CD36: variants seen among roughly 807,000 people sequenced by gnomAD.
CD36 encodes the protein CD36 molecule (CD36 blood group), also known as platelet glycoprotein 4.
CD36 carries 119 observed loss-of-function variants against 55.2 expected under a neutral mutation model. That is an observed-to-expected ratio of 2.15 (90% CI 1.86 to 2.51). The LOEUF (loss-of-function observed/expected upper bound fraction) is 2.51. CD36 is among the 30% of genes most tolerant of loss of function. CD36 has a pLI of 0.00. For synonymous variants in CD36, 186 were observed against 193.6 expected (o/e 0.96, Z 0.33); for missense variants, 819 against 555.5 (o/e 1.47, Z -4.77).
At chr7:80,642,997 G>T (rs1408303932) in intron 1 of CD36, among the ~76,000 whole-genome samples, 1 of 152,134 alleles carries the variant, frequency 6.6e-6, no homozygotes, top group African/African-American at 2.4e-5. Context: ...AGCAGACAGA[G>T]CTAGGCAGTA....
At chr7:80,672,207 G>GTGATTCTAATTGGCTTAAAATAAT (rs1301019783) in intron 11 of CD36, among the ~76,000 whole-genome samples, 167 bp downstream of exon 11, 8 of 151,868 alleles carry the variant, frequency 5.3e-5, no homozygotes, top group Non-Finnish European at 1.2e-4. Flanking sequence ...GGTTTATGAA[G>GTGATTCTAATTGGCTTAAAATAAT]TGATTCTAAT....
intron 6 of CD36, 122 bp downstream of exon 6, chr7:80,663,291 C>CCTAA: frequency 6.0e-6 from 5 of 837,660 alleles, no homozygotes; most frequent in African/African-American, 1.7e-5. Flanking sequence ...AGACATATAT[C>CCTAA]CTAACTTTTT....
chr7:80,674,594 A>AAAT (rs1402202253), intron 14 of CD36, among the ~76,000 whole-genome samples: 1 of 152,056 alleles, frequency 6.6e-6, no homozygotes, highest in African/African-American at 2.4e-5. Context: ...TAGTATCAGG[A>AAAT]AATAGGGGAA....
rs1392461440 is a variant in CD36 at position 80,677,625 on chromosome 7, TATGTAAGATAAC to T, written c.*1245_*1256del. On this transcript the variant is annotated 3_prime_UTR_variant, in exon 15 of 15. Coordinates refer to ENST00000447544, the MANE Select transcript of CD36 (RefSeq NM_001001548.3). ...AAGAAGTATCTGTCCAAGATATTAA[TATGTAAGATAAC>T]ATTGTAGACATGTTCTTCTGATAAT... 6.6e-6 allele frequency: 1 copy of T among 152,196 alleles called. No individual in the cohort carries two copies. Among genetic ancestry groups the T allele is most frequent in the Non-Finnish European group, 1.5e-5 (1 of 68,030 alleles). 9.4% of individuals were successfully genotyped at this position (152,196 alleles called of 1,614,324 possible).
At chr7:80,608,351 A>G (rs931465666) in intron 1 of CD36, among the ~76,000 whole-genome samples, 6 of 152,200 alleles carry the variant, frequency 3.9e-5, no homozygotes, top group Admixed American at 1.3e-4. Context: ...GTTAGACTGC[A>G]TATGTTTGAA....
At chr7:80,629,048 C>T (rs1002377860) in intron 1 of CD36, among the ~76,000 whole-genome samples, 1 of 152,042 alleles carries the variant, frequency 6.6e-6, no homozygotes, top group Admixed American at 6.6e-5. Flanking sequence ...TTTCTTTTAG[C>T]TTAGTGATTT....
chr7:80,666,845 A>G (rs1211454470), intron 8 of CD36, among the ~76,000 whole-genome samples: 4 of 152,216 alleles, frequency 2.6e-5, no homozygotes, highest in East Asian at 1.9e-4. Flanking sequence ...GATAAGTTAG[A>G]ATTGAAAGAA....
intron 4 of CD36, among the ~76,000 whole-genome samples, chr7:80,658,636 G>T (rs1796277394): frequency 6.6e-6 from 1 of 152,046 alleles, no homozygotes; most frequent in Non-Finnish European, 1.5e-5. Flanking sequence ...GGGACCACAG[G>T]CGCATGCCAC....
In CD36 at chr7:80,656,572, TA is replaced by T. The variant is rs571975065; in HGVS notation, c.158del (p.Asn53IlefsTer24). 9.0e-4 allele frequency: 1,446 copies of T among 1,613,728 alleles called. 18 individuals carry two copies. The African/African-American group carries it at 0.016, about 18-fold the overall frequency. ...TCCTCGAAGAAGGTACAATTGCTTT[TA>T]AAAATTGGGTTAAAACAGGCACAGA... Reference protein sequence around the residue: ...VVLEEGTIAFKNWVKTGTEVY... With the variant: ...VVLEEGTIAFXNWVKTGTEVY... On this transcript the variant is annotated frameshift_variant, in exon 4 of 15. Coordinates refer to ENST00000447544, the MANE Select transcript of CD36 (RefSeq NM_001001548.3). LOFTEE classifies it high-confidence loss of function.
intron 12 of CD36, 129 bp from the exon 13 acceptor site, chr7:80,673,215 CTATATTAAAAT>C (rs1179450170): frequency 3.7e-6 from 2 of 534,668 alleles, no homozygotes; most frequent in African/African-American, 3.9e-5. Flanking sequence ...TCAAAAACAA[CTATATTAAAAT>C]TTAAATGAGT....
At chr7:80,620,484 G>C (rs949801765) in intron 1 of CD36, among the ~76,000 whole-genome samples, 4 of 152,174 alleles carry the variant, frequency 2.6e-5, no homozygotes, top group African/African-American at 9.7e-5. Flanking sequence ...ATCAGGTAAG[G>C]TATGGGGGAA....
chr7:80,604,359 T>A (rs1792420646), intron 1 of CD36, among the ~76,000 whole-genome samples: 3 of 70,768 alleles, frequency 4.2e-5, no homozygotes, highest in African/African-American at 3.3e-4. Flanking sequence ...AATTTTTTTT[T>A]TTTTTTTTTT....
intron 1 of CD36, among the ~76,000 whole-genome samples, chr7:80,644,541 C>T (rs995848625): frequency 1.3e-5 from 2 of 152,164 alleles, no homozygotes; most frequent in African/African-American, 4.8e-5. Flanking sequence ...ATATTTGTAA[C>T]ATTTATTCCT....
At chr7:80,611,185 G>T (rs983518178) in intron 1 of CD36, among the ~76,000 whole-genome samples, 1 of 152,120 alleles carries the variant, frequency 6.6e-6, no homozygotes, top group Non-Finnish European at 1.5e-5. Context: ...GCCCTGCCTT[G>T]AACAAAATTA....
At chr7:80,651,572 A>C (rs948646692) in intron 3 of CD36, among the ~76,000 whole-genome samples, 8 of 152,100 alleles carry the variant, frequency 5.3e-5, no homozygotes, top group Admixed American at 1.3e-4. Flanking sequence ...GCTTGTAAGA[A>C]ATGCCTTCAG....
intron 4 of CD36, among the ~76,000 whole-genome samples, chr7:80,659,349 T>C (rs756189679): frequency 1.3e-5 from 2 of 152,184 alleles, no homozygotes; most frequent in Non-Finnish European, 2.9e-5. Flanking sequence ...ATGACCTGAA[T>C]CAAAGCACGA....
In CD36 at chr7:80,664,472, ATAATCGACACATATAAAGGTAAAAGG is replaced by A. The variant is rs772117827; in HGVS notation, c.680_701+4del. On this transcript the variant is annotated splice_donor_variant and coding_sequence_variant, in exon 7 of 15. Transcript: ENST00000447544. LOFTEE classifies it high-confidence loss of function. ...AAAAGATAACATAAGTAAAGTTGCC[ATAATCGACACATATAAAGGTAAAAGG>A]TAAGTATTCTGGTAAAATGTGCATG... 3.2e-6 allele frequency: 5 copies of A among 1,573,270 alleles called. No homozygotes were observed. The African/African-American group carries it at 6.8e-5, about 21-fold the overall frequency.
chr7:80,665,512 A>AAAG (rs1796994626), intron 7 of CD36, among the ~76,000 whole-genome samples: 1 of 152,130 alleles, frequency 6.6e-6, no homozygotes, highest in African/African-American at 2.4e-5. Context: ...TTTTATAGAA[A>AAAG]AAGTCAGTAG....
intron 1 of CD36, among the ~76,000 whole-genome samples, chr7:80,620,792 G>C (rs1259222412): frequency 3.3e-5 from 5 of 152,072 alleles, no homozygotes; most frequent in African/African-American, 7.3e-5. Flanking sequence ...CTGTAACTAG[G>C]GTTAAGGGAA....
Sources: gnomAD v4.1 joint callset for allele counts (sites outside exome capture counted in the v4.1 genomes callset) on GRCh38, gnomAD v4.1.1 for gene constraint, MANE v1.5 for transcripts, NCBI Gene and HGNC (gene_info 2026-07-23, HGNC 2026-07-21) for gene names.